Variants in NUBPL observed in about 807,000 individuals in gnomAD.
NUBPL encodes the protein iron-sulfur cluster transfer protein NUBPL.
In NUBPL, 31 loss-of-function variants were observed where a neutral mutation model predicts 45.7. That is an observed-to-expected ratio of 0.68 (90% CI 0.51 to 0.92). The LOEUF is 0.92. NUBPL is among the 40% of genes least tolerant of loss of function. The pLI is 0.00. For missense variants in NUBPL, 401 were observed against 398.7 expected (o/e 1.01, Z -0.05); for synonymous variants, 144 against 140.9 (o/e 1.02, Z -0.15).
intron 8 of NUBPL, among the ~76,000 whole-genome samples, chr14:31,841,920 T>TTGTTTTTG (rs1232748747): frequency 0.013 from 1,022 of 80,990 alleles, 123 homozygotes; most frequent in Middle Eastern, 0.031. Flanking sequence ...TTCTGGGCTT[T>TTGTTTTTG]TTTTTTTTTT....
chr14:31,656,536 C>T (rs1250689158), intron 4 of NUBPL, among the ~76,000 whole-genome samples: 1 of 151,904 alleles, frequency 6.6e-6, no homozygotes, highest in African/African-American at 2.4e-5. Flanking sequence ...ATTAATTGGC[C>T]TGATTTCAAT....
chr14:31,686,835 G>A (rs906721261), intron 6 of NUBPL: 6 of 152,210 alleles, frequency 3.9e-5, no homozygotes, highest in Non-Finnish European at 7.3e-5. Context: ...ATTCAGTATG[G>A]CTGGGCACTG....
At chr14:31,778,819 C>T (rs1256468799) in intron 6 of NUBPL, among the ~76,000 whole-genome samples, 1 of 152,184 alleles carries the variant, frequency 6.6e-6, no homozygotes, top group Admixed American at 6.5e-5. Flanking sequence ...AACAGTTTGC[C>T]AGTAGTGTAT....
intron 7 of NUBPL, among the ~76,000 whole-genome samples, chr14:31,795,032 A>T (rs1595637675): frequency 3.4e-5 from 5 of 147,862 alleles, no homozygotes; most frequent in South Asian, 4.4e-4. Context: ...GTCAAAGATC[A>T]GATAGTTGTA....
chr14:31,775,237 G>A (rs140201622), intron 6 of NUBPL, among the ~76,000 whole-genome samples: 4,877 of 152,114 alleles, frequency 0.032, 113 homozygotes, highest in Middle Eastern at 0.071. Flanking sequence ...GACCAACATG[G>A]TGAAACCCTG....
chr14:31,814,088 A>G (rs930953291), intron 7 of NUBPL, among the ~76,000 whole-genome samples: 1 of 152,216 alleles, frequency 6.6e-6, no homozygotes, highest in East Asian at 1.9e-4. Flanking sequence ...TTCTGGTTCT[A>G]GATCCTTGAG....
At chr14:31,791,014 A>T (rs928332386) in intron 7 of NUBPL, among the ~76,000 whole-genome samples, 3 of 152,178 alleles carry the variant, frequency 2.0e-5, no homozygotes, top group Non-Finnish European at 4.4e-5. Flanking sequence ...CATGCCTGTA[A>T]TCCCAGCACT....
chr14:31,849,882 ATGTGGTGCCACAGAGCTTT>A (rs1167251211), intron 9 of NUBPL, among the ~76,000 whole-genome samples: 1 of 152,194 alleles, frequency 6.6e-6, no homozygotes, highest in Non-Finnish European at 1.5e-5. Context: ...TCATACCTTG[ATGTGGTGCCACAGAGCTTT>A]CCTATATAAA....
At chr14:31,811,503 C>T (rs995413674) in intron 7 of NUBPL, among the ~76,000 whole-genome samples, 1 of 152,162 alleles carries the variant, frequency 6.6e-6, no homozygotes, top group Non-Finnish European at 1.5e-5. Flanking sequence ...ACTGTTTATT[C>T]AGTTAGCCAT....
intron 6 of NUBPL, among the ~76,000 whole-genome samples, chr14:31,679,866 A>C (rs1180403917): frequency 6.6e-6 from 1 of 152,210 alleles, no homozygotes; most frequent in African/African-American, 2.4e-5. Context: ...TGAGTCTTCT[A>C]ATCTGTGACC....
At chr14:31,730,497 A>G (rs1477824860) in intron 6 of NUBPL, among the ~76,000 whole-genome samples, 1 of 146,362 alleles carries the variant, frequency 6.8e-6, no homozygotes, top group Non-Finnish European at 1.5e-5. Flanking sequence ...GGAGTCTTGC[A>G]CCGTCGCCCA....
chr14:31,561,412 A>T lies in NUBPL; in HGVS notation c.-28A>T. 1 of 1,300,400 alleles carries T rather than the reference A, an allele frequency of 7.7e-7. No homozygotes were observed. The highest frequency in any genetic ancestry group is 1.0e-6 in the Non-Finnish European group (1 of 1,001,738). The allele number at this position is 1,300,400 out of a possible 1,614,324, so 80.6% of individuals were successfully genotyped here. Reference sequence around the variant, plus strand: ...TCCGCGCCACCCGCGACAGTTTCCCAGCAGGGCTCACAGCAGCGTTCCGCG... The same window carrying T: ...TCCGCGCCACCCGCGACAGTTTCCCTGCAGGGCTCACAGCAGCGTTCCGCG... On this transcript the variant is annotated 5_prime_UTR_variant, in exon 1 of 11. Coordinates refer to ENST00000281081, the MANE Select transcript of NUBPL (RefSeq NM_025152.3).
At chr14:31,639,193 C>A (rs2035604068) in intron 4 of NUBPL, among the ~76,000 whole-genome samples, 1 of 152,098 alleles carries the variant, frequency 6.6e-6, no homozygotes, top group Admixed American at 6.6e-5. Context: ...TTTTCTGCTC[C>A]ATTTTTTCCC....
At chr14:31,739,295 G>T (rs899635134) in intron 6 of NUBPL, among the ~76,000 whole-genome samples, 1 of 139,778 alleles carries the variant, frequency 7.2e-6, no homozygotes, top group Non-Finnish European at 1.5e-5. Context: ...ATGTTGGCCA[G>T]GCTGGTCTCA....
chr14:31,694,447 C>G (rs1165919508), intron 6 of NUBPL, among the ~76,000 whole-genome samples: 2 of 152,158 alleles, frequency 1.3e-5, no homozygotes, highest in Admixed American at 1.3e-4. Context: ...GAGCTGACAG[C>G]AGATACTTAT....
intron 6 of NUBPL, among the ~76,000 whole-genome samples, chr14:31,711,493 G>A (rs936307506): frequency 6.6e-6 from 1 of 152,204 alleles, no homozygotes; most frequent in South Asian, 2.1e-4. Context: ...GGCAATAGGC[G>A]ATAGTCTTAC....
intron 8 of NUBPL, among the ~76,000 whole-genome samples, chr14:31,839,641 AATCAACAGGGT>A (rs1222693811): frequency 6.6e-6 from 1 of 152,216 alleles, no homozygotes; most frequent in East Asian, 1.9e-4. Flanking sequence ...CCAAGAAAAC[AATCAACAGGGT>A]GAAGAGACTA....
At chr14:31,623,039 G>C (rs2035108208) in intron 4 of NUBPL, among the ~76,000 whole-genome samples, 1 of 152,346 alleles carries the variant, frequency 6.6e-6, no homozygotes, top group East Asian at 1.9e-4. Flanking sequence ...CAGAGCCACA[G>C]GGGTGGAGCT....
chr14:31,684,255 T>C (rs1208590450), intron 6 of NUBPL, among the ~76,000 whole-genome samples: 4 of 152,236 alleles, frequency 2.6e-5, no homozygotes. Flanking sequence ...TGTCATATGC[T>C]TAGGAAACCT....
Sources: allele counts gnomAD v4.1 joint callset (sites outside exome capture counted in the v4.1 genomes callset), GRCh38; gene constraint gnomAD v4.1.1; transcripts MANE v1.5; gene names NCBI Gene and HGNC (gene_info 2026-07-23, HGNC 2026-07-21).